The following PPP2R1B variants were observed in gnomAD, a reference collection of about 807,000 sequenced individuals.
PPP2R1B encodes protein phosphatase 2 scaffold subunit Abeta.
In PPP2R1B, 58 loss-of-function variants were observed where a neutral mutation model predicts 72.7. The observed-to-expected ratio is 0.80, with a 90% CI of 0.65 to 0.99. The LOEUF is 0.99. Ranked by LOEUF, PPP2R1B falls within the 50% of genes least tolerant of loss-of-function variation. PPP2R1B has a pLI of 0.00. For synonymous variants in PPP2R1B, 256 were observed against 264.6 expected (o/e 0.97, Z 0.32); for missense variants, 695 against 733.6 (o/e 0.95, Z 0.61).
At chr11:111,721,189 C>A in the PPP2R1B span, 1 of 1,191,096 alleles carries the variant, frequency 8.4e-7, no homozygotes, top group Non-Finnish European at 1.1e-6. Flanking sequence ...TGGGAAAACC[C>A]ACAGCTTCTT....
At chr11:111,697,829 C>CA in the PPP2R1B span, among the ~76,000 whole-genome samples, 880 of 151,292 alleles carry the variant, frequency 5.8e-3, 12 homozygotes, top group African/African-American at 0.02. Flanking sequence ...TGTCTCTACC[C>CA]AAAAAAAGGA....
chr11:111,743,044 C>A (rs1458026665), intron 12 of PPP2R1B, among the ~76,000 whole-genome samples: 2 of 152,044 alleles, frequency 1.3e-5, no homozygotes, highest in African/African-American at 2.4e-5. Flanking sequence ...CAGGCATGCA[C>A]CACCATGCCC....
rs1944435726 is a variant in PPP2R1B, at chr11:111,739,130, G to C, written c.*2466C>G. 23 of 985,304 alleles carry C rather than the reference G, an allele frequency of 2.3e-5. No individual in the cohort carries two copies. Among genetic ancestry groups the C allele is most frequent in the Non-Finnish European group, 2.8e-5 (23 of 829,908 alleles). The allele number at this position is 985,304 out of a possible 1,614,324, so 61.0% of individuals were successfully genotyped here. A position where few individuals can be genotyped will look rare whatever the true frequency, so the allele number is the denominator to read the frequency against. Reference sequence around the variant, plus strand: ...GAATAAGACACAGTCTGGTTCTTTTGATTATTTGTTCCATGCACACATTGG... The same window carrying C: ...GAATAAGACACAGTCTGGTTCTTTTCATTATTTGTTCCATGCACACATTGG... On this transcript the variant is annotated 3_prime_UTR_variant, in exon 15 of 15. Coordinates refer to ENST00000527614, the MANE Select transcript of PPP2R1B (RefSeq NM_002716.5).
At position 111,740,162 on chromosome 11, in the gene PPP2R1B, A is replaced by G. The variant is rs952435001; in HGVS notation, c.*1434T>C. The G allele has an allele frequency of 7.1e-6, 7 of 985,268 alleles. No homozygotes were observed. Among genetic ancestry groups the G allele is most frequent in the African/African-American group, 7.0e-5 (4 of 57,240 alleles). The allele number at this position is 985,268 out of a possible 1,614,324, so 61.0% of individuals were successfully genotyped here. A position where few individuals can be genotyped will look rare whatever the true frequency, so the allele number is the denominator to read the frequency against. On this transcript the variant is annotated 3_prime_UTR_variant, in exon 15 of 15. Coordinates refer to ENST00000527614, the MANE Select transcript of PPP2R1B (RefSeq NM_002716.5). ...AGATGCACTGAGAGAAAAATAAACT[A>G]TGGGAAAACCCCCTTAACCAAAAGT...
At chr11:111,757,311 C>T (rs1945160821) in intron 5 of PPP2R1B, among the ~76,000 whole-genome samples, 1 of 152,064 alleles carries the variant, frequency 6.6e-6, no homozygotes, top group South Asian at 2.1e-4. Context: ...AGAGACATAA[C>T]AGTGACTCCA....
intron 5 of PPP2R1B, 60 bp downstream of exon 5, chr11:111,759,744 T>G: frequency 6.7e-7 from 1 of 1,490,466 alleles, no homozygotes; most frequent in Non-Finnish European, 9.0e-7. Flanking sequence ...CCAAAGAAAT[T>G]CTGAAAATTT....
At chr11:111,725,727 G>A (rs183488735), downstream of PPP2R1B, 3 of 152,766 alleles carry the variant, frequency 2.0e-5, no homozygotes, top group East Asian at 3.9e-4. Context: ...GGCAGGTGAC[G>A]TGTGGAAAGT....
chr11:111,764,748 G>C, intron 3 of PPP2R1B, 57 bp downstream of exon 3: 1 of 1,542,916 alleles, frequency 6.5e-7, no homozygotes, highest in Non-Finnish European at 8.9e-7. Flanking sequence ...ACCAAACAAT[G>C]TATCATTTAT....
At chr11:111,745,159 C>G (rs915719703) in intron 11 of PPP2R1B, among the ~76,000 whole-genome samples, 1 of 150,184 alleles carries the variant, frequency 6.7e-6, no homozygotes, top group Non-Finnish European at 1.5e-5. Context: ...TCAAGCAACT[C>G]TCCTGCCTCA....
exon 16 of PPP2R1B, chr11:111,727,032 T>G: frequency 6.2e-7 from 1 of 1,614,126 alleles, no homozygotes; most frequent in East Asian, 2.2e-5. Context: ...GTCTCTAGTA[T>G]CTCCACGCAA....
In PPP2R1B at chr11:111,740,197, A is replaced by C. The variant is rs1475612711; in HGVS notation, c.*1399T>G. The C allele has an allele frequency of 1.0e-6, 1 of 985,272 alleles. No homozygotes were observed. The highest frequency in any genetic ancestry group is 1.7e-5 in the African/African-American group (1 of 57,256). The allele number at this position is 985,272 out of a possible 1,614,324, so 61.0% of individuals were successfully genotyped here. On this transcript the variant is annotated 3_prime_UTR_variant, in exon 15 of 15. Transcript: ENST00000527614. ...CCCCTTAACCAAAAGTCATGAGACA[A>C]GGTGAGTTTGATTATGTGAAAAATA... is the stretch of plus-strand genomic sequence containing the variant.
the PPP2R1B span, chr11:111,701,509 A>G: frequency 6.2e-7 from 1 of 1,613,826 alleles, no homozygotes; most frequent in South Asian, 1.1e-5. The surrounding 1 kb of genome is among the most constrained non-coding windows in gnomAD (Gnocchi z 4.2). Flanking sequence ...TGATGGACCG[A>G]CTCTTCCAAT....
chr11:111,695,104 C>T, the PPP2R1B span, among the ~76,000 whole-genome samples: 1 of 152,186 alleles, frequency 6.6e-6, no homozygotes, highest in East Asian at 1.9e-4. Flanking sequence ...TCATCTCTAT[C>T]ACTCTCCACC....
chr11:111,689,295 A>T, the PPP2R1B span, among the ~76,000 whole-genome samples: 2 of 152,180 alleles, frequency 1.3e-5, 1 homozygote, highest in Admixed American at 1.3e-4. Context: ...ATTATAGGGC[A>T]TGGGTAGGGG....
Position 111,760,860 on chromosome 11 carries a change from G to A in PPP2R1B, c.498C>T (p.Cys166=). 1 of 1,614,174 alleles carries A rather than the reference G, an allele frequency of 6.2e-7. No homozygotes were observed. The highest frequency in any genetic ancestry group is 8.5e-7 in the Non-Finnish European group (1 of 1,180,032). The change falls in exon 4 of 15, where the codon TGC becomes TGT. Residue 166 remains cysteine, a synonymous_variant. Coordinates refer to ENST00000527614, the MANE Select transcript of PPP2R1B (RefSeq NM_002716.5). ...TAACAGCATTTGATGCCCTGGGATA[G>A]CAAACGCTGAACAAACCACATGCAG... ...RTSACGLFSV[C]YPRASNAVKA...
chr11:111,757,810 G>T (rs1555050149), intron 5 of PPP2R1B, among the ~76,000 whole-genome samples: 1 of 150,868 alleles, frequency 6.6e-6, no homozygotes, highest in East Asian at 1.9e-4. Context: ...ACTCCAGCCT[G>T]GGCGACAGGA....
chr11:111,745,620 G>C (rs540426553), intron 11 of PPP2R1B, among the ~76,000 whole-genome samples: 1 of 152,102 alleles, frequency 6.6e-6, no homozygotes, highest in South Asian at 2.1e-4. Context: ...CTCCTCTCAA[G>C]GCCTGGCTGA....
At chr11:111,755,534 A>G (rs1945076091) in intron 5 of PPP2R1B, 84 bp from the exon 6 acceptor site, 10 of 1,296,060 alleles carry the variant, frequency 7.7e-6, no homozygotes, top group Non-Finnish European at 1.0e-5. Context: ...GTTTAAAAAA[A>G]TTAACACCAC....
chr11:111,710,865 G>A, the PPP2R1B span, among the ~76,000 whole-genome samples: 15 of 152,286 alleles, frequency 9.8e-5, no homozygotes, highest in Non-Finnish European at 1.8e-4. Flanking sequence ...CCTTTGATTT[G>A]TTTGAGTTTA....
Sources: allele counts gnomAD v4.1 joint callset (sites outside exome capture counted in the v4.1 genomes callset), GRCh38; gene constraint gnomAD v4.1.1; non-coding constraint Gnocchi (gnomAD v3.1); transcripts MANE v1.5; gene names NCBI Gene and HGNC (gene_info 2026-07-23, HGNC 2026-07-21).